Variants in IGFBPL1 observed in about 807,000 individuals in gnomAD.
IGFBPL1 encodes the protein insulin like growth factor binding protein like 1.
A neutral mutation model predicts 23.9 loss-of-function variants in IGFBPL1; 20 were observed. The ratio of observed to expected loss-of-function variants is 0.84; its 90% CI spans 0.59 to 1.22. The LOEUF (loss-of-function observed/expected upper bound fraction) is 1.22, where lower values mean the gene tolerates loss of function less well. IGFBPL1 is among the 50% of genes most tolerant of loss of function. IGFBPL1 has a pLI of 0.00. For missense variants in IGFBPL1, 436 were observed against 379.3 expected, an observed-to-expected ratio of 1.15 and a Z score of -1.24; for synonymous variants, 184 against 171.8, an observed-to-expected ratio of 1.07 and a Z score of -0.56.
intron 1 of IGFBPL1, among the ~76,000 whole-genome samples, chr9:38,416,030 A>T (rs1821595539): frequency 6.6e-6 from 1 of 152,204 alleles, no homozygotes; most frequent in Non-Finnish European, 1.5e-5. Context: ...ACAGAGAGCC[A>T]CAACACTGAG....
chr9:38,414,317 G>A (rs1011983394), intron 1 of IGFBPL1, 114 bp from the exon 2 acceptor site: 9 of 622,580 alleles, frequency 1.4e-5, no homozygotes, highest in South Asian at 3.8e-5. Flanking sequence ...TGAGGGGAGC[G>A]GCACATCACG....
chr9:38,412,436 A>G (rs1821526711), intron 3 of IGFBPL1, among the ~76,000 whole-genome samples: 1 of 152,162 alleles, frequency 6.6e-6, no homozygotes, highest in Non-Finnish European at 1.5e-5. Flanking sequence ...CTATCTCCTC[A>G]TTCCATCACT....
chr9:38,418,626 T>C (rs1821631839), intron 1 of IGFBPL1, among the ~76,000 whole-genome samples: 1 of 152,200 alleles, frequency 6.6e-6, no homozygotes, highest in African/African-American at 2.4e-5. Flanking sequence ...CTTTCCTTTC[T>C]GCCTGCCTTT....
chr9:38,413,125 G>A (rs1332976199), intron 3 of IGFBPL1, 112 bp downstream of exon 3: 24 of 733,678 alleles, frequency 3.3e-5, no homozygotes, highest in Non-Finnish European at 5.4e-5. Flanking sequence ...GTTACTGGAG[G>A]GGCCAGTGAG....
intron 3 of IGFBPL1, among the ~76,000 whole-genome samples, chr9:38,412,896 T>C (rs542667735): frequency 7.0e-4 from 107 of 152,340 alleles, no homozygotes; most frequent in African/African-American, 2.4e-3. Flanking sequence ...CACCTTTAAA[T>C]TGGCCCACCC....
intron 2 of IGFBPL1, 96 bp from the exon 3 acceptor site, chr9:38,413,449 T>C: frequency 1.3e-6 from 1 of 750,374 alleles, no homozygotes; most frequent in South Asian, 1.7e-5. Context: ...TTCCTCCTCC[T>C]CCCACTGACT....
chr9:38,420,646 C>T (rs1821666417), intron 1 of IGFBPL1, among the ~76,000 whole-genome samples: 1 of 152,172 alleles, frequency 6.6e-6, no homozygotes, highest in Non-Finnish European at 1.5e-5. Flanking sequence ...TCCTGACTAA[C>T]ACAGTGAAAC....
intron 1 of IGFBPL1, among the ~76,000 whole-genome samples, chr9:38,415,773 C>A (rs943489356): frequency 2.6e-5 from 4 of 152,194 alleles, no homozygotes; most frequent in Non-Finnish European, 5.9e-5. Flanking sequence ...GTAACTCCCA[C>A]CTGTTGATCC....
rs144677232 is a variant in IGFBPL1 at position 38,414,455 on chromosome 9, C to T, written c.461-252G>A. ...GAGGGGAAGGGCAACTTCCCAAATTCCCCCAGCACCATCTGTGGCAGAGCT... is the reference window on the plus strand; with the variant it reads ...GAGGGGAAGGGCAACTTCCCAAATTTCCCCAGCACCATCTGTGGCAGAGCT... On this transcript the variant is annotated intron_variant, in intron 1 of 4. Coordinates refer to ENST00000377694, the MANE Select transcript of IGFBPL1 (RefSeq NM_001007563.3). 3.7e-3 allele frequency among the ~76,000 whole-genome samples: 567 copies of T among 152,290 alleles called. 2 individuals are homozygous for T. Among genetic ancestry groups the T allele is most frequent in the African/African-American group, 0.013 (548 of 41,540 alleles).
chr9:38,420,392 C>T (rs761160088), intron 1 of IGFBPL1, among the ~76,000 whole-genome samples: 59 of 152,196 alleles, frequency 3.9e-4, no homozygotes, highest in Non-Finnish European at 7.9e-4. Flanking sequence ...AGCTATAGCC[C>T]AGTGCTAAAT....
At position 38,424,407 on chromosome 9, in the gene IGFBPL1, C is replaced by G; in HGVS notation, c.18G>C (p.Leu6=). Residue 6 remains leucine (L), a synonymous_variant, in exon 1 of 5, where the codon CTG becomes CTC. Coordinates refer to ENST00000377694, the MANE Select transcript of IGFBPL1 (RefSeq NM_001007563.3). MPRLS[L]LLPLLLLLLL... ...GCAGCAGAAGCAGCAGCGGCAAGAGCAGAGACAAGCGCGGCATGGCTTGCT... is the reference window on the plus strand; with the variant it reads ...GCAGCAGAAGCAGCAGCGGCAAGAGGAGAGACAAGCGCGGCATGGCTTGCT... 4.9e-6 allele frequency: 3 copies of G among 615,430 alleles called. No homozygotes were observed. The highest frequency in any genetic ancestry group is 8.6e-6 in the Non-Finnish European group (3 of 348,602). 38.1% of individuals were successfully genotyped at this position (615,430 alleles called of 1,614,324 possible).
intron 1 of IGFBPL1, among the ~76,000 whole-genome samples, chr9:38,421,959 C>T (rs1821686329): frequency 6.6e-6 from 1 of 152,182 alleles, no homozygotes; most frequent in Non-Finnish European, 1.5e-5. Context: ...TGTGGCCCCA[C>T]GAATATCTTT....
chr9:38,423,964 C>A lies in IGFBPL1; in HGVS notation c.460+1G>T. The stretch of plus-strand genomic sequence containing the variant: ...CCACCCAATCCCCGACCCTGACTCA[C>A]CGAACTCGCAAGGGCCGTCGCGCGC... On this transcript the variant is annotated splice_donor_variant, in intron 1 of 4. Coordinates refer to ENST00000377694, the MANE Select transcript of IGFBPL1 (RefSeq NM_001007563.3). LOFTEE classifies it high-confidence loss of function. 1 of 1,389,840 alleles carries A rather than the reference C, an allele frequency of 7.2e-7. No individual in the cohort carries two copies. The highest frequency in any genetic ancestry group is 1.6e-5 in the South Asian group (1 of 62,130). The allele number at this position is 1,389,840 out of a possible 1,614,324, so 86.1% of individuals were successfully genotyped here.
intron 4 of IGFBPL1, among the ~76,000 whole-genome samples, chr9:38,410,005 C>G (rs1027288538): frequency 1.3e-5 from 2 of 152,174 alleles, no homozygotes; most frequent in East Asian, 3.9e-4. Context: ...AGAAGTAAGG[C>G]CTTGCACACA....
In IGFBPL1 at chr9:38,414,213, G is replaced by C. The variant is rs1821560264; in HGVS notation, c.461-10C>G. The C allele has an allele frequency of 6.5e-7, 1 of 1,532,460 alleles. No individual in the cohort carries two copies. Among genetic ancestry groups the C allele is most frequent in the African/African-American group, 1.4e-5 (1 of 73,016 alleles). 94.9% of individuals were successfully genotyped at this position (1,532,460 alleles called of 1,614,324 possible). On this transcript the variant is annotated splice_polypyrimidine_tract_variant and intron_variant, in intron 1 of 4. Coordinates refer to ENST00000377694, the MANE Select transcript of IGFBPL1 (RefSeq NM_001007563.3). ...ACGACGACCACAGGAGCTAGGAGGA[G>C]GAGACAAGGAGACGCAGCCTTTACC...
intron 3 of IGFBPL1, 98 bp downstream of exon 3, chr9:38,413,139 T>C (rs143021651): frequency 2.7e-4 from 229 of 834,380 alleles, no homozygotes; most frequent in Non-Finnish European, 1.3e-4. Context: ...CAGTGAGAAA[T>C]GGGTAAGAAC....
At chr9:38,416,175 G>A (rs758538236) in intron 1 of IGFBPL1, among the ~76,000 whole-genome samples, 4 of 152,218 alleles carry the variant, frequency 2.6e-5, no homozygotes, top group Non-Finnish European at 5.9e-5. Flanking sequence ...CCAGTGGCTC[G>A]CTGTGGTGAC....
At chr9:38,421,284 CAAA>C (rs35342818) in intron 1 of IGFBPL1, among the ~76,000 whole-genome samples, 36 of 91,512 alleles carry the variant, frequency 3.9e-4, no homozygotes, top group Admixed American at 1.0e-3. Context: ...GACCCTGTCT[CAAA>C]AAAAAAAAAA....
At chr9:38,417,204 G>A (rs888001040) in intron 1 of IGFBPL1, among the ~76,000 whole-genome samples, 1 of 152,126 alleles carries the variant, frequency 6.6e-6, no homozygotes, top group African/African-American at 2.4e-5. Flanking sequence ...CTGGGTTACC[G>A]AGCATTAAAG....
Sources: allele counts gnomAD v4.1 joint callset (sites outside exome capture counted in the v4.1 genomes callset), GRCh38; gene constraint gnomAD v4.1.1; transcripts MANE v1.5; gene names NCBI Gene and HGNC (gene_info 2026-07-23, HGNC 2026-07-21).